CCSER1: variants seen among roughly 807,000 people sequenced by gnomAD.
CCSER1 encodes serine-rich coiled-coil domain-containing protein 1.
In CCSER1, 41 loss-of-function variants were observed where a neutral mutation model predicts 82.0. The ratio of observed to expected loss-of-function variants is 0.50; its 90% CI spans 0.39 to 0.65. CCSER1 has a LOEUF of 0.65. Ranked by LOEUF, CCSER1 falls within the 30% of genes least tolerant of loss-of-function variation. The pLI is 0.00. For missense variants in CCSER1, 1,119 were observed against 1,064.2 expected, an observed-to-expected ratio of 1.05 and a Z score of -0.72; for synonymous variants, 414 against 383.9, an observed-to-expected ratio of 1.08 and a Z score of -0.92.
At chr4:90,332,498 A>T (rs1304048535) in intron 3 of CCSER1, among the ~76,000 whole-genome samples, 1 of 152,120 alleles carries the variant, frequency 6.6e-6, no homozygotes, top group Non-Finnish European at 1.5e-5. Context: ...GGCCCTCCAA[A>T]GTGCTGTATT....
chr4:91,511,013 T>TA (rs1268857214), intron 10 of CCSER1, among the ~76,000 whole-genome samples: 2 of 152,136 alleles, frequency 1.3e-5, no homozygotes. Context: ...TATATGGCGA[T>TA]AAAAAAGGGA....
intron 1 of CCSER1, among the ~76,000 whole-genome samples, chr4:90,278,556 A>C (rs994799088): frequency 4.6e-5 from 7 of 152,062 alleles, no homozygotes; most frequent in Non-Finnish European, 1.0e-4. Context: ...CCATTATCCT[A>C]AGTGAACTAA....
rs535315187 is a variant in CCSER1 at position 91,406,576 on chromosome 4, A to G, written c.2218-191996A>G. On this transcript the variant is annotated intron_variant, in intron 10 of 10. Coordinates refer to ENST00000509176, the MANE Select transcript of CCSER1 (RefSeq NM_001145065.2). ...TACACGCTAGTAAATTCTAGAGCTGATAGAAACAGTAGTGCTAGTTATCGC... is the reference window on the plus strand; with the variant it reads ...TACACGCTAGTAAATTCTAGAGCTGGTAGAAACAGTAGTGCTAGTTATCGC... 3.3e-3 allele frequency among the ~76,000 whole-genome samples: 509 copies of G among 152,312 alleles called. 4 individuals are homozygous for G. The highest frequency in any genetic ancestry group is 0.012 in the African/African-American group (479 of 41,590).
At position 91,229,268 on chromosome 4, in the gene CCSER1, C is replaced by A. The variant is rs377244277; in HGVS notation, c.2217+143274C>A. 8.6e-4 allele frequency among the ~76,000 whole-genome samples: 114 copies of A among 132,444 alleles called. 1 individual carries two copies. The highest frequency in any genetic ancestry group is 2.8e-3 in the African/African-American group (93 of 33,642). 86.9% of individuals were successfully genotyped at this position (132,444 alleles called of 152,430 possible). On this transcript the variant is annotated intron_variant, in intron 10 of 10. Transcript: ENST00000509176. Reference sequence around the variant, plus strand: ...TAACCTGAGACCTCTATCAAAAAAACCCCAAAAAACAAAAACCTGCAAAAA... The same window carrying A: ...TAACCTGAGACCTCTATCAAAAAAAACCCAAAAAACAAAAACCTGCAAAAA...
chr4:91,155,446 G>A (rs906997810), intron 10 of CCSER1, among the ~76,000 whole-genome samples: 2 of 151,850 alleles, frequency 1.3e-5, no homozygotes, highest in African/African-American at 4.8e-5. Context: ...TGTTGAGTAT[G>A]TCTTTATTAG....
chr4:90,364,475 T>C (rs998641590), intron 3 of CCSER1, among the ~76,000 whole-genome samples: 5 of 152,010 alleles, frequency 3.3e-5, no homozygotes, highest in Admixed American at 2.6e-4. Context: ...AATATGATAT[T>C]CAACTTATTC....
chr4:90,537,410 A>C (rs909215546), intron 5 of CCSER1, among the ~76,000 whole-genome samples: 1 of 151,890 alleles, frequency 6.6e-6, no homozygotes, highest in Non-Finnish European at 1.5e-5. Context: ...TGGACATTTT[A>C]TAATGTATTC....
intron 1 of CCSER1, among the ~76,000 whole-genome samples, chr4:90,281,598 T>A (rs568599734): frequency 6.6e-6 from 1 of 152,164 alleles, no homozygotes; most frequent in Admixed American, 6.6e-5. Flanking sequence ...CTTTGTTCAT[T>A]GCTTAATAAG....
intron 10 of CCSER1, among the ~76,000 whole-genome samples, chr4:91,298,421 C>A (rs1400358956): frequency 6.6e-6 from 1 of 151,974 alleles, no homozygotes; most frequent in Non-Finnish European, 1.5e-5. Context: ...AGCCACCATT[C>A]CTGCTAAAGG....
intron 1 of CCSER1, among the ~76,000 whole-genome samples, chr4:90,284,494 ATTTTT>A (rs34170994): frequency 7.3e-6 from 1 of 137,296 alleles, no homozygotes; most frequent in Non-Finnish European, 1.6e-5. Flanking sequence ...CTTTGAATTG[ATTTTT>A]TTTTTTTTTT....
chr4:90,874,270 C>T (rs977734877), intron 8 of CCSER1, among the ~76,000 whole-genome samples: 4 of 152,024 alleles, frequency 2.6e-5, no homozygotes, highest in African/African-American at 9.7e-5. Flanking sequence ...AATCCTTTAT[C>T]AACAAACGCA....
intron 5 of CCSER1, among the ~76,000 whole-genome samples, chr4:90,551,642 A>G (rs933472170): frequency 6.6e-6 from 1 of 150,792 alleles, no homozygotes; most frequent in East Asian, 1.9e-4. Context: ...TTCATTTCCC[A>G]TGAAAATATA....
intron 10 of CCSER1, among the ~76,000 whole-genome samples, chr4:91,334,064 A>G (rs1747145391): frequency 6.6e-6 from 1 of 152,138 alleles, no homozygotes; most frequent in African/African-American, 2.4e-5. Flanking sequence ...AAACACTTTA[A>G]AAAGTTATAC....
intron 4 of CCSER1, among the ~76,000 whole-genome samples, chr4:90,467,585 AG>A (rs1250911821): frequency 1.3e-5 from 2 of 152,092 alleles, no homozygotes; most frequent in African/African-American, 4.8e-5. Context: ...CGGGAGGCTG[AG>A]GAAGGAGAAT....
chr4:91,244,770 C>G (rs1419728921), intron 10 of CCSER1, among the ~76,000 whole-genome samples: 1 of 151,964 alleles, frequency 6.6e-6, no homozygotes, highest in African/African-American at 2.4e-5. Flanking sequence ...AAAATATGGC[C>G]TCACAAAAAG....
intron 10 of CCSER1, among the ~76,000 whole-genome samples, chr4:91,125,401 A>C (rs2148898281): frequency 6.6e-6 from 1 of 151,904 alleles, no homozygotes; most frequent in South Asian, 2.1e-4. Context: ...TCCCACAGTG[A>C]ATAGTAAAAT....
At chr4:90,795,182 G>T (rs1755819344) in intron 7 of CCSER1, among the ~76,000 whole-genome samples, 1 of 151,652 alleles carries the variant, frequency 6.6e-6, no homozygotes, top group African/African-American at 2.4e-5. Context: ...AACTACTCGG[G>T]AGACTGAGGC....
At chr4:91,070,783 G>A (rs1208316327) in intron 9 of CCSER1, among the ~76,000 whole-genome samples, 2 of 152,116 alleles carry the variant, frequency 1.3e-5, no homozygotes, top group Non-Finnish European at 1.5e-5. Flanking sequence ...ACCAGTTCCA[G>A]GTGCCAAAAA....
chr4:91,248,384 A>G (rs929298187), intron 10 of CCSER1, among the ~76,000 whole-genome samples: 1 of 152,202 alleles, frequency 6.6e-6, no homozygotes, highest in African/African-American at 2.4e-5. Context: ...TATAGCAGAG[A>G]AACTGGAAAA....
Sources: gnomAD v4.1 joint callset for allele counts (sites outside exome capture counted in the v4.1 genomes callset) on GRCh38, gnomAD v4.1.1 for gene constraint, MANE v1.5 for transcripts, NCBI Gene and HGNC (gene_info 2026-07-23, HGNC 2026-07-21) for gene names.